The following TMED8 variants were observed in gnomAD, a reference collection of about 807,000 sequenced individuals.
The protein encoded by TMED8 is transmembrane p24 trafficking protein family member 8, also known as protein TMED8.
TMED8 carries 15 observed loss-of-function variants against 32.7 expected under a neutral mutation model. The observed-to-expected ratio is 0.46, with a 90% CI of 0.31 to 0.71. The LOEUF is 0.71. Ranked by LOEUF, TMED8 falls within the 30% of genes least tolerant of loss-of-function variation. The pLI, the probability that TMED8 is intolerant of heterozygous loss-of-function variation, is 0.06. For missense variants in TMED8, 390 were observed against 423.9 expected, an observed-to-expected ratio of 0.92 and a Z score of 0.70; for synonymous variants, 147 against 161.4, an observed-to-expected ratio of 0.91 and a Z score of 0.68.
intron 1 of TMED8, among the ~76,000 whole-genome samples, chr14:77,367,945 C>T (rs1026611266): frequency 1.3e-5 from 2 of 152,230 alleles, no homozygotes; most frequent in Admixed American, 1.3e-4. Flanking sequence ...CCGCCTTCCT[C>T]AGCCTCCCAG....
intron 1 of TMED8, among the ~76,000 whole-genome samples, chr14:77,353,457 G>T (rs61990318): frequency 3.2e-4 from 38 of 117,656 alleles, no homozygotes; most frequent in Non-Finnish European, 4.4e-4. Flanking sequence ...TTTTTTTTTG[G>T]AGGGGGACAG....
intron 1 of TMED8, among the ~76,000 whole-genome samples, chr14:77,356,121 G>GTT (rs1566689351): frequency 6.6e-6 from 1 of 152,192 alleles, no homozygotes; most frequent in Non-Finnish European, 1.5e-5. Flanking sequence ...ACTGGAGTCT[G>GTT]TAAGAGGCCT....
At chr14:77,343,547 G>C in intron 4 of TMED8, 64 bp from the exon 5 acceptor site, 1 of 1,586,696 alleles carries the variant, frequency 6.3e-7, no homozygotes, top group South Asian at 1.1e-5. Flanking sequence ...CGGGCATTTT[G>C]CTAAGAGAGG....
intron 1 of TMED8, among the ~76,000 whole-genome samples, chr14:77,360,350 C>T (rs1893405795): frequency 6.6e-6 from 1 of 151,972 alleles, no homozygotes; most frequent in African/African-American, 2.4e-5. Flanking sequence ...TCTACCATCA[C>T]CACCACCACC....
intron 2 of TMED8, among the ~76,000 whole-genome samples, chr14:77,349,504 A>G (rs1893131765): frequency 6.6e-6 from 1 of 152,078 alleles, no homozygotes; most frequent in Non-Finnish European, 1.5e-5. Context: ...TCAATCCTTG[A>G]TAGTCCTCAA....
intron 3 of TMED8, 59 bp from the exon 4 acceptor site, chr14:77,343,882 T>C: frequency 1.3e-6 from 2 of 1,569,480 alleles, no homozygotes; most frequent in East Asian, 4.5e-5. Context: ...ATTAATCTCT[T>C]TTTGCATGAA....
intron 1 of TMED8, among the ~76,000 whole-genome samples, chr14:77,362,822 C>T (rs1162038771): frequency 2.0e-5 from 3 of 152,064 alleles, no homozygotes; most frequent in Admixed American, 2.0e-4. Context: ...CAAGAAAGAG[C>T]AGAGGTGGCT....
chr14:77,351,878 A>G (rs1345941398), intron 1 of TMED8, 127 bp from the exon 2 acceptor site: 3 of 634,110 alleles, frequency 4.7e-6, no homozygotes, highest in East Asian at 3.0e-5. Context: ...TATGAACTTT[A>G]TACTCTCAGA....
chr14:77,346,571 C>G, intron 2 of TMED8, 93 bp from the exon 3 acceptor site: 2 of 1,512,816 alleles, frequency 1.3e-6, no homozygotes, highest in Non-Finnish European at 1.8e-6. Context: ...ATTCGAGATA[C>G]CCCCTGCCCC....
intron 1 of TMED8, among the ~76,000 whole-genome samples, chr14:77,358,013 A>G (rs899884044): frequency 6.6e-6 from 1 of 151,230 alleles, no homozygotes; most frequent in African/African-American, 2.4e-5. Context: ...AATCCTAGGT[A>G]CTTGGGAAGC....
At chr14:77,357,146 T>C (rs994290097) in intron 1 of TMED8, among the ~76,000 whole-genome samples, 23 of 152,222 alleles carry the variant, frequency 1.5e-4, no homozygotes, top group African/African-American at 5.5e-4. Context: ...GCAATTCTAT[T>C]GGACTGTGTT....
At chr14:77,345,852 C>A (rs1023894111) in intron 3 of TMED8, among the ~76,000 whole-genome samples, 1 of 151,642 alleles carries the variant, frequency 6.6e-6, no homozygotes, top group Admixed American at 6.6e-5. Flanking sequence ...TGCCTGTAAT[C>A]CCAGCTACTC....
intron 1 of TMED8, among the ~76,000 whole-genome samples, chr14:77,361,972 T>A (rs1041044404): frequency 3.3e-5 from 5 of 152,200 alleles, no homozygotes; most frequent in African/African-American, 1.2e-4. Context: ...TAAGTATTCT[T>A]TATGCTACTG....
chr14:77,374,117 C>T lies in TMED8; in HGVS notation c.118+2819G>A, dbSNP rs1349166900. ...AACAGAACACCTGAATATCCAATTC[C>T]ATTTCTTACTGCTGTTTTCTCTCTG... On this transcript the variant is annotated intron_variant, in intron 1 of 5. Transcript: ENST00000216468. Among the ~76,000 whole-genome samples, 3 of 152,316 alleles carry T rather than the reference C, an allele frequency of 2.0e-5. No homozygotes were observed. The South Asian group carries it at 6.2e-4, about 32-fold the overall frequency.
intron 2 of TMED8, among the ~76,000 whole-genome samples, chr14:77,349,562 C>T (rs1893133032): frequency 6.6e-6 from 1 of 152,174 alleles, no homozygotes; most frequent in South Asian, 2.1e-4. Flanking sequence ...TTGCTGTAAT[C>T]TCTGCCTAGA....
intron 2 of TMED8, among the ~76,000 whole-genome samples, chr14:77,348,404 T>C (rs1242655283): frequency 6.6e-6 from 1 of 152,120 alleles, no homozygotes; most frequent in South Asian, 2.1e-4. Context: ...TTTGTATTTT[T>C]AGTAGAGACG....
intron 1 of TMED8, among the ~76,000 whole-genome samples, chr14:77,367,776 C>T (rs533393395): frequency 6.6e-6 from 1 of 152,170 alleles, no homozygotes; most frequent in Non-Finnish European, 1.5e-5. Flanking sequence ...TCACTGCAAC[C>T]TCCACCTCCT....
chr14:77,367,062 T>C (rs1210199765), intron 1 of TMED8, among the ~76,000 whole-genome samples: 1 of 151,518 alleles, frequency 6.6e-6, no homozygotes, highest in Non-Finnish European at 1.5e-5. Context: ...CTGGCCAACA[T>C]GGTAAAACCC....
At chr14:77,362,659 G>T (rs1313022640) in intron 1 of TMED8, among the ~76,000 whole-genome samples, 1 of 152,028 alleles carries the variant, frequency 6.6e-6, no homozygotes, top group Non-Finnish European at 1.5e-5. Context: ...AATGGATTAA[G>T]TTCTCCAATT....
Sources: gnomAD v4.1 joint callset for allele counts (sites outside exome capture counted in the v4.1 genomes callset) on GRCh38, gnomAD v4.1.1 for gene constraint, MANE v1.5 for transcripts, NCBI Gene and HGNC (gene_info 2026-07-23, HGNC 2026-07-21) for gene names.